The following SEMA4D variants were observed in gnomAD, a reference collection of about 807,000 sequenced individuals.
SEMA4D encodes semaphorin 4D, also known as semaphorin-4D.
A neutral mutation model predicts 74.8 loss-of-function variants in SEMA4D; 22 were observed. The ratio of observed to expected loss-of-function variants is 0.29; its 90% confidence interval spans 0.21 to 0.42. The LOEUF (loss-of-function observed/expected upper bound fraction) is 0.42. SEMA4D is among the 10% of genes least tolerant of loss of function. The probability of loss-of-function intolerance (pLI) is 1.00; values close to 1 mark genes in which losing one functional copy is unlikely to be tolerated. For missense variants in SEMA4D, 937 were observed against 1,118.4 expected, an observed-to-expected ratio of 0.84 and a Z score of 2.31; for synonymous variants, 445 against 463.7, an observed-to-expected ratio of 0.96 and a Z score of 0.52.
chr9:89,497,683 GT>G (rs1266829588), intron 1 of SEMA4D, among the ~76,000 whole-genome samples: 1 of 151,524 alleles, frequency 6.6e-6, no homozygotes, highest in African/African-American at 2.4e-5. Context: ...GGTCGGAGGG[GT>G]CCGGGTAGGT....
intron 2 of SEMA4D, among the ~76,000 whole-genome samples, chr9:89,431,201 G>A (rs1053483184): frequency 6.6e-6 from 1 of 152,212 alleles, no homozygotes; most frequent in Non-Finnish European, 1.5e-5. Flanking sequence ...CCCAGGGAAT[G>A]GCCTGACTGG....
intron 1 of SEMA4D, among the ~76,000 whole-genome samples, chr9:89,496,218 C>G (rs1361977160): frequency 1.3e-5 from 2 of 152,218 alleles, no homozygotes; most frequent in Non-Finnish European, 2.9e-5. Context: ...GCATTTTCAA[C>G]AGACTCTGGG....
At chr9:89,410,456 C>T (rs1166084029) in intron 2 of SEMA4D, among the ~76,000 whole-genome samples, 1 of 151,858 alleles carries the variant, frequency 6.6e-6, no homozygotes, top group Non-Finnish European at 1.5e-5. Flanking sequence ...GAAGAAGTCA[C>T]AAAGAAACAC....
intron 1 of SEMA4D, among the ~76,000 whole-genome samples, chr9:89,489,811 C>T (rs957869147): frequency 3.3e-5 from 5 of 152,142 alleles, no homozygotes; most frequent in African/African-American, 9.7e-5. Context: ...TGTGAACAGC[C>T]GTGTATAAGT....
At chr9:89,371,437 T>TGG (rs1281786316) in intron 16 of SEMA4D, among the ~76,000 whole-genome samples, 2 of 54,092 alleles carry the variant, frequency 3.7e-5, no homozygotes, top group Non-Finnish European at 7.2e-5. Flanking sequence ...GGTGTGTGTG[T>TGG]GGGGTGTGGT....
At chr9:89,462,975 G>C (rs1278273679) in intron 1 of SEMA4D, among the ~76,000 whole-genome samples, 5 of 116,722 alleles carry the variant, frequency 4.3e-5, no homozygotes, top group Non-Finnish European at 1.0e-4. Flanking sequence ...CGAGGGGAGG[G>C]GAGCGAGGGA....
At chr9:89,476,540 C>T (rs955555138) in intron 1 of SEMA4D, among the ~76,000 whole-genome samples, 2 of 152,166 alleles carry the variant, frequency 1.3e-5, no homozygotes, top group African/African-American at 4.8e-5. Flanking sequence ...CTGACCTCCC[C>T]CAAGGAGAAG....
intron 3 of SEMA4D, 71 bp downstream of exon 3, chr9:89,405,278 ACC>A: frequency 7.4e-7 from 1 of 1,359,456 alleles, no homozygotes; most frequent in Non-Finnish European, 1.1e-6. Flanking sequence ...GTCCCCAGCC[ACC>A]CACCTCAGCA....
intron 1 of SEMA4D, among the ~76,000 whole-genome samples, chr9:89,458,718 C>A (rs1488401986): frequency 1.3e-5 from 2 of 151,968 alleles, no homozygotes; most frequent in African/African-American, 4.8e-5. Flanking sequence ...TACATCCAAA[C>A]ACGCACATCC....
At chr9:89,462,959 AGCGAGCGAGGGGAG>A (rs1564881981) in intron 1 of SEMA4D, among the ~76,000 whole-genome samples, 11 of 25,066 alleles carry the variant, frequency 4.4e-4, no homozygotes, top group African/African-American at 4.7e-4. Flanking sequence ...AGGAGGGGGG[AGCGAGCGAGGGGAG>A]GGGAGCGAGG....
chr9:89,496,983 T>C (rs940360621), intron 1 of SEMA4D, among the ~76,000 whole-genome samples: 1 of 152,148 alleles, frequency 6.6e-6, no homozygotes, highest in South Asian at 2.1e-4. Context: ...CAACACAGAG[T>C]GAGGTTTTCA....
intron 13 of SEMA4D, chr9:89,385,971 C>T (rs979155258): frequency 1.0e-6 from 1 of 984,682 alleles, no homozygotes; most frequent in Non-Finnish European, 1.2e-6. Flanking sequence ...AACCACTTCT[C>T]TTGTGGATTT....
intron 2 of SEMA4D, among the ~76,000 whole-genome samples, chr9:89,426,550 T>C (rs1416974115): frequency 6.6e-6 from 1 of 152,150 alleles, no homozygotes; most frequent in Non-Finnish European, 1.5e-5. Flanking sequence ...GCCCCAGCTT[T>C]GCCTCACTCC....
At chr9:89,458,020 G>C (rs958229755) in intron 1 of SEMA4D, among the ~76,000 whole-genome samples, 77 of 152,290 alleles carry the variant, frequency 5.1e-4, no homozygotes, top group African/African-American at 1.8e-3. Context: ...TCGATAGAGC[G>C]AGACTGGGTC....
At chr9:89,459,856 C>A (rs1239799143) in intron 1 of SEMA4D, among the ~76,000 whole-genome samples, 1 of 152,214 alleles carries the variant, frequency 6.6e-6, no homozygotes, top group East Asian at 1.9e-4. Flanking sequence ...CCCAGGCCAG[C>A]ATTCAGTTAC....
At chr9:89,386,177 G>C (rs1838437355) in intron 13 of SEMA4D, 190 bp downstream of exon 13, 1 of 718,900 alleles carries the variant, frequency 1.4e-6, no homozygotes, top group African/African-American at 1.9e-5. Flanking sequence ...CTGCCTTCCT[G>C]CCTTCCCCAA....
At position 89,379,376 on chromosome 9, in the gene SEMA4D, G is replaced by T. The variant is rs745891001; in HGVS notation, c.1917C>A (p.Val639=). The change falls in exon 16 of 16, where the codon GTC becomes GTA. Residue 639 remains valine, a synonymous_variant. Coordinates refer to ENST00000422704, the MANE Select transcript of SEMA4D (RefSeq NM_001371194.2). ...RVKNKTVFQV[V]AKHVLEVKVV... is the part of the protein sequence containing the mutation. The stretch of plus-strand genomic sequence containing the variant: ...CCTTCACTTCCAGGACGTGCTTGGC[G>T]ACCACTTGGAAGACCGTTTTGTTCT... 4.3e-6 allele frequency: 7 copies of T among 1,613,998 alleles called. No individual in the cohort carries two copies. The Admixed American group carries it at 1.2e-4, about 27-fold the overall frequency.
chr9:89,459,996 G>T (rs1856842633), intron 1 of SEMA4D, among the ~76,000 whole-genome samples: 1 of 152,250 alleles, frequency 6.6e-6, no homozygotes, highest in East Asian at 1.9e-4. Flanking sequence ...TACAAAAAAA[G>T]CCCCTTCCCC....
chr9:89,361,978 C>A, exon 19 of SEMA4D: 1 of 270,330 alleles, frequency 3.7e-6, no homozygotes, highest in Non-Finnish European at 7.2e-6. Context: ...ACCCTGTTGG[C>A]TATTAGGGGG....
Sources: allele counts gnomAD v4.1 joint callset (sites outside exome capture counted in the v4.1 genomes callset), GRCh38; gene constraint gnomAD v4.1.1; transcripts MANE v1.5; gene names NCBI Gene and HGNC (gene_info 2026-07-23, HGNC 2026-07-21).